CDH4: variants seen among roughly 807,000 people sequenced by gnomAD.
The protein encoded by CDH4 is cadherin 4.
A neutral mutation model predicts 86.0 loss-of-function variants in CDH4; 33 were observed. The observed-to-expected ratio is 0.38, with a 90% CI of 0.29 to 0.51. The LOEUF is 0.51. CDH4 is among the 20% of genes least tolerant of loss of function. The probability of loss-of-function intolerance (pLI) is 0.86; values close to 1 mark genes in which losing one functional copy is unlikely to be tolerated. For missense variants in CDH4, 1,114 were observed against 1,307.4 expected, an observed-to-expected ratio of 0.85 and a Z score of 2.28; for synonymous variants, 555 against 549.4, an observed-to-expected ratio of 1.01 and a Z score of -0.14.
At chr20:61,853,664 G>A (rs755463289) in intron 6 of CDH4, among the ~76,000 whole-genome samples, 21 of 152,202 alleles carry the variant, frequency 1.4e-4, no homozygotes, top group Non-Finnish European at 2.9e-4. Flanking sequence ...GACCCTCAGG[G>A]CGCACATGGG....
intron 2 of CDH4, among the ~76,000 whole-genome samples, chr20:61,713,989 T>C (rs1037902934): frequency 6.6e-6 from 1 of 152,158 alleles, no homozygotes; most frequent in Non-Finnish European, 1.5e-5. Flanking sequence ...GAAACATCAC[T>C]GGAAACCTGT....
intron 2 of CDH4, among the ~76,000 whole-genome samples, chr20:61,477,342 C>T (rs965662666): frequency 2.0e-5 from 3 of 151,936 alleles, no homozygotes; most frequent in Non-Finnish European, 4.4e-5. Context: ...TGGGGTTAGG[C>T]GTGGAAACGA....
Position 61,318,641 on chromosome 20 carries a change from A to T in CDH4, c.169+63704A>T, listed in dbSNP as rs186919685. Among the ~76,000 whole-genome samples the T allele has an allele frequency of 6.8e-4, 103 of 152,146 alleles. 1 individual carries two copies. Among genetic ancestry groups the T allele is most frequent in the Admixed American group, 6.7e-3 (102 of 15,302 alleles). On this transcript the variant is annotated intron_variant, in intron 2 of 15. Coordinates refer to ENST00000614565, the MANE Select transcript of CDH4 (RefSeq NM_001794.5). ...CCAGGAGGAGCCTGGAATCAGTGAT[A>T]CTCAGTCAGAATACATGCTCAATGC... is the stretch of plus-strand genomic sequence containing the variant.
chr20:61,605,968 G>A (rs942266141), intron 2 of CDH4, among the ~76,000 whole-genome samples: 2 of 152,100 alleles, frequency 1.3e-5, no homozygotes, highest in Non-Finnish European at 2.9e-5. Flanking sequence ...TTTGCCCCTG[G>A]GATGAGGAGG....
At chr20:61,445,960 C>A (rs144052783) in intron 2 of CDH4, among the ~76,000 whole-genome samples, 1 of 152,188 alleles carries the variant, frequency 6.6e-6, no homozygotes, top group Admixed American at 6.5e-5. Flanking sequence ...CTCCCATGCC[C>A]GCTGGTGGAT....
chr20:61,439,080 A>G (rs768732479), intron 2 of CDH4, among the ~76,000 whole-genome samples: 5 of 152,134 alleles, frequency 3.3e-5, no homozygotes, highest in Non-Finnish European at 5.9e-5. Flanking sequence ...CTGACTGAAT[A>G]TATTTTTAAC....
chr20:61,870,433 C>T (rs1017388939), intron 6 of CDH4, among the ~76,000 whole-genome samples: 3 of 152,218 alleles, frequency 2.0e-5, no homozygotes, highest in Non-Finnish European at 4.4e-5. Context: ...AGAAACCAGG[C>T]TGGCTGTGCT....
At chr20:61,661,165 A>T (rs1011897208) in intron 2 of CDH4, among the ~76,000 whole-genome samples, 1 of 147,032 alleles carries the variant, frequency 6.8e-6, no homozygotes, top group Non-Finnish European at 1.5e-5. Flanking sequence ...CCTGCTCCCC[A>T]AGCTCCACCT....
At chr20:61,405,670 T>C (rs932346344) in intron 2 of CDH4, among the ~76,000 whole-genome samples, 1 of 151,950 alleles carries the variant, frequency 6.6e-6, no homozygotes. Context: ...TGGCTATATA[T>C]ATTATAGCTA....
chr20:61,470,160 A>G (rs2085494478), intron 2 of CDH4, among the ~76,000 whole-genome samples: 1 of 152,140 alleles, frequency 6.6e-6, no homozygotes, highest in African/African-American at 2.4e-5. Flanking sequence ...AAGTATGGAC[A>G]CTTTAATGTA....
At chr20:61,456,644 A>G (rs1307590986) in intron 2 of CDH4, among the ~76,000 whole-genome samples, 5 of 152,228 alleles carry the variant, frequency 3.3e-5, no homozygotes, top group Non-Finnish European at 7.3e-5. Context: ...TAATGTGCAT[A>G]ACTGATCTTT....
chr20:61,898,583 G>A (rs1985239033), intron 8 of CDH4, among the ~76,000 whole-genome samples: 1 of 152,098 alleles, frequency 6.6e-6, no homozygotes, highest in Non-Finnish European at 1.5e-5. Flanking sequence ...CCTTCCTCCA[G>A]GCCACCCCCA....
At chr20:61,475,441 T>A (rs1453750545) in intron 2 of CDH4, among the ~76,000 whole-genome samples, 5 of 92,496 alleles carry the variant, frequency 5.4e-5, no homozygotes, top group Non-Finnish European at 1.2e-4. Context: ...TTCTCCCCCA[T>A]GGAATTTACC....
chr20:61,815,679 T>C (rs1179677716), intron 4 of CDH4, among the ~76,000 whole-genome samples: 2 of 152,218 alleles, frequency 1.3e-5, no homozygotes, highest in African/African-American at 2.4e-5. Flanking sequence ...AGCTGAGAGA[T>C]TGTGCTTTCG....
At chr20:61,442,555 G>GT (rs1220448215) in intron 2 of CDH4, among the ~76,000 whole-genome samples, 2 of 152,296 alleles carry the variant, frequency 1.3e-5, no homozygotes, top group African/African-American at 4.8e-5. Flanking sequence ...CTTCGCTTTG[G>GT]GGTTCTACAT....
chr20:61,596,490 C>T (rs2086558423), intron 2 of CDH4, among the ~76,000 whole-genome samples: 1 of 152,190 alleles, frequency 6.6e-6, no homozygotes, highest in Non-Finnish European at 1.5e-5. Flanking sequence ...CAGGTGGAAG[C>T]AGCAAGTCTC....
chr20:61,801,232 AAGC>A (rs1396120858), intron 4 of CDH4, among the ~76,000 whole-genome samples: 2 of 152,100 alleles, frequency 1.3e-5, no homozygotes, highest in Non-Finnish European at 2.9e-5. Context: ...AGCCGGCAGA[AAGC>A]AGGGTGGTCC....
intron 2 of CDH4, among the ~76,000 whole-genome samples, chr20:61,525,649 G>A (rs2145633255): frequency 6.6e-6 from 1 of 152,342 alleles, no homozygotes; most frequent in East Asian, 1.9e-4. Flanking sequence ...TGCTGCGGCT[G>A]TACCCGATCT....
chr20:61,777,695 C>T (rs1230684369), intron 4 of CDH4, among the ~76,000 whole-genome samples: 2 of 143,854 alleles, frequency 1.4e-5, no homozygotes, highest in East Asian at 2.1e-4. Context: ...CACACACGTG[C>T]ATACAAAAAC....
Sources: allele counts gnomAD v4.1 joint callset (sites outside exome capture counted in the v4.1 genomes callset), GRCh38; gene constraint gnomAD v4.1.1; transcripts MANE v1.5; gene names NCBI Gene and HGNC (gene_info 2026-07-23, HGNC 2026-07-21).